GPR176: variants seen among roughly 807,000 people sequenced by gnomAD.
GPR176 encodes the protein G protein-coupled receptor 176, also known as G-protein coupled receptor 176.
A neutral mutation model predicts 35.4 loss-of-function variants in GPR176; 26 were observed. The ratio of observed to expected loss-of-function variants is 0.74; its 90% confidence interval spans 0.54 to 1.02. The LOEUF is 1.02. GPR176 is among the 50% of genes least tolerant of loss of function. The probability of loss-of-function intolerance (pLI) is 0.00; values close to 1 mark genes in which losing one functional copy is unlikely to be tolerated. For synonymous variants in GPR176, 278 were observed against 271.3 expected (o/e 1.02, Z -0.24); for missense variants, 597 against 665.3 (o/e 0.90, Z 1.13).
chr15:39,901,919 C>CAA lies in GPR176; in HGVS notation c.172+17934_172+17935dup, dbSNP rs373269532. Among the ~76,000 whole-genome samples the CAA allele has an allele frequency of 3.1e-3, 426 of 138,206 alleles. 1 individual carries two copies. Among genetic ancestry groups the CAA allele is most frequent in the East Asian group, 7.2e-3 (34 of 4,708 alleles). 90.7% of individuals were successfully genotyped at this position (138,206 alleles called of 152,430 possible). A position where few individuals can be genotyped will look rare whatever the true frequency, so the allele number is the denominator to read the frequency against. On this transcript the variant is annotated intron_variant, in intron 1 of 2. Transcript: ENST00000561100. ...TGAAAGCCTGTTTCTACCAAAAATA[C>CAA]AAAAAAAAAAAAAAATTAGCCAGAC...
Position 39,919,889 on chromosome 15 carries a change from G to A in GPR176, c.138C>T (p.Thr46=). ...AGCCTATGAAGATGACGACCTGCAC[G>A]GTGGTGGTGAACTGGCGGTACAGCT... ...EAQLYRQFTT[T]VQVVIFIGSL... The change falls in exon 1 of 3, where the codon ACC becomes ACT. Residue 46 remains threonine (T), a synonymous_variant. Transcript: ENST00000561100. The A allele has an allele frequency of 6.6e-7, 1 of 1,510,676 alleles. No individual in the cohort carries two copies. Among genetic ancestry groups the A allele is most frequent in the South Asian group, 1.3e-5 (1 of 77,272 alleles). 93.6% of individuals were successfully genotyped at this position (1,510,676 alleles called of 1,614,324 possible).
chr15:39,871,476 T>C (rs918825061), intron 1 of GPR176, among the ~76,000 whole-genome samples: 4 of 152,224 alleles, frequency 2.6e-5, no homozygotes, highest in Non-Finnish European at 4.4e-5. Context: ...GTATGTTTCA[T>C]TGCAAAGTAT....
At chr15:39,911,063 A>T (rs1036660332) in intron 1 of GPR176, among the ~76,000 whole-genome samples, 1 of 151,820 alleles carries the variant, frequency 6.6e-6, no homozygotes, top group Non-Finnish European at 1.5e-5. Context: ...AAAATAAAAT[A>T]AAATAAAATA....
chr15:39,852,141 A>C (rs904444184), intron 1 of GPR176, among the ~76,000 whole-genome samples: 2 of 152,182 alleles, frequency 1.3e-5, no homozygotes, highest in African/African-American at 4.8e-5. Context: ...AAGAATGATG[A>C]ATTTTCTCAA....
intron 1 of GPR176, among the ~76,000 whole-genome samples, chr15:39,898,974 C>G (rs922844323): frequency 6.6e-6 from 1 of 152,068 alleles, no homozygotes; most frequent in African/African-American, 2.4e-5. Flanking sequence ...AACTTGAGAG[C>G]ACTACCCACT....
At chr15:39,821,710 A>G (rs1288091668) in intron 1 of GPR176, among the ~76,000 whole-genome samples, 1 of 151,996 alleles carries the variant, frequency 6.6e-6, no homozygotes, top group Non-Finnish European at 1.5e-5. Flanking sequence ...GATGGAAGGA[A>G]CCTGGAAAAG....
intron 1 of GPR176, among the ~76,000 whole-genome samples, chr15:39,907,747 AG>A (rs750196194): frequency 2.3e-4 from 35 of 152,214 alleles, no homozygotes; most frequent in Non-Finnish European, 4.4e-4. Context: ...TAACACAGCT[AG>A]ATTTTTTTTC....
At chr15:39,812,379 G>A (rs1259798842) in intron 1 of GPR176, among the ~76,000 whole-genome samples, 1 of 152,172 alleles carries the variant, frequency 6.6e-6, no homozygotes, top group Non-Finnish European at 1.5e-5. Context: ...ACTGGCTAAG[G>A]CTAAGTCTTC....
chr15:39,865,481 T>TA lies in GPR176; in HGVS notation c.172+54373dup, dbSNP rs1181010884. 3.9e-5 allele frequency among the ~76,000 whole-genome samples: 6 copies of TA among 152,264 alleles called. No individual in the cohort carries two copies. The East Asian group carries it at 1.2e-3, about 29-fold the overall frequency. ...GACAAATACCATATGTTCTTCCTTATAAGTGCGAGTTTAATAATGTGTACA... is the reference window on the plus strand; with the variant it reads ...GACAAATACCATATGTTCTTCCTTATAAAGTGCGAGTTTAATAATGTGTACA... On this transcript the variant is annotated intron_variant, in intron 1 of 2. Transcript: ENST00000561100.
chr15:39,901,968 C>T (rs928949805), intron 1 of GPR176, among the ~76,000 whole-genome samples: 1 of 151,822 alleles, frequency 6.6e-6, no homozygotes, highest in Non-Finnish European at 1.5e-5. Flanking sequence ...TCTGTAATCC[C>T]AGCTACTTGG....
At chr15:39,863,900 C>A (rs928824249) in intron 1 of GPR176, among the ~76,000 whole-genome samples, 1 of 152,106 alleles carries the variant, frequency 6.6e-6, no homozygotes, top group African/African-American at 2.4e-5. Context: ...CAAAATGTAT[C>A]CCCATGGTTA....
intron 1 of GPR176, chr15:39,862,371 GC>G (rs1298344353): frequency 6.6e-6 from 1 of 152,124 alleles, no homozygotes; most frequent in Non-Finnish European, 1.5e-5. Flanking sequence ...GGAAAAGCAG[GC>G]TTTTTGATGC....
At position 39,799,635 on chromosome 15, in the gene GPR176, C is replaced by T. The variant is rs1898735817; in HGVS notation, c.*1497G>A. 1 of 152,226 alleles carries T rather than the reference C, an allele frequency of 6.6e-6. No individual in the cohort carries two copies. Among genetic ancestry groups the T allele is most frequent in the Non-Finnish European group, 1.5e-5 (1 of 68,064 alleles). The allele number at this position is 152,226 out of a possible 1,614,324, so 9.4% of individuals were successfully genotyped here. On this transcript the variant is annotated 3_prime_UTR_variant, in exon 3 of 3. Coordinates refer to ENST00000561100, the MANE Select transcript of GPR176 (RefSeq NM_007223.3). ...ATGTGGAAGTTTGCTGGTGAGGACA[C>T]CCACTTCCCTTCAAGCTTGCTCAAG...
rs916786177 is a variant in GPR176 at position 39,800,266 on chromosome 15, T to C, written c.*866A>G. The C allele has an allele frequency of 2.0e-5, 3 of 152,028 alleles. No homozygotes were observed. Among genetic ancestry groups the C allele is most frequent in the Non-Finnish European group, 2.9e-5 (2 of 68,004 alleles). The allele number at this position is 152,028 out of a possible 1,614,324, so 9.4% of individuals were successfully genotyped here. A position where few individuals can be genotyped will look rare whatever the true frequency, so the allele number is the denominator to read the frequency against. The stretch of plus-strand genomic sequence containing the variant: ...ACATAGCACCTTTCATGTGAGATCA[T>C]AGGGAAGAAAAAAAAACTACAGCGC... On this transcript the variant is annotated 3_prime_UTR_variant, in exon 3 of 3. Coordinates refer to ENST00000561100, the MANE Select transcript of GPR176 (RefSeq NM_007223.3).
rs758185655 is a variant in GPR176, at chr15:39,801,942, C to T, written c.738G>A (p.Arg246=). ...QKKKVIIAAL[R]TPQNTISIPY... ...GAATAGAGATGGTGTTCTGTGGGGTCCGGAGCGCTGCTATGATGACCTTCT... is the reference window on the plus strand; with the variant it reads ...GAATAGAGATGGTGTTCTGTGGGGTTCGGAGCGCTGCTATGATGACCTTCT... The change falls in exon 3 of 3, where the codon CGG becomes CGA. Residue 246 remains arginine (R), a synonymous_variant. Coordinates refer to ENST00000561100, the MANE Select transcript of GPR176 (RefSeq NM_007223.3). The T allele has an allele frequency of 2.0e-5, 32 of 1,613,904 alleles. No homozygotes were observed. The highest frequency in any genetic ancestry group is 1.5e-5 in the Non-Finnish European group (18 of 1,180,004).
chr15:39,845,821 T>C (rs2140799463), intron 1 of GPR176, among the ~76,000 whole-genome samples: 1 of 152,296 alleles, frequency 6.6e-6, no homozygotes, highest in African/African-American at 2.4e-5. Flanking sequence ...GCAGGAACTT[T>C]GTGCCTACAT....
At chr15:39,848,620 A>G (rs2030617415) in intron 1 of GPR176, among the ~76,000 whole-genome samples, 1 of 152,208 alleles carries the variant, frequency 6.6e-6, no homozygotes, top group African/African-American at 2.4e-5. Flanking sequence ...TGTGTTCTCC[A>G]ACCACAATGG....
At chr15:39,879,410 G>A (rs751413961) in intron 1 of GPR176, among the ~76,000 whole-genome samples, 4 of 152,190 alleles carry the variant, frequency 2.6e-5, no homozygotes, top group Non-Finnish European at 5.9e-5. Flanking sequence ...TTAGATGCCT[G>A]TGGGAAACCT....
In GPR176 at chr15:39,862,899, C is replaced by T. The variant is rs889969028; in HGVS notation, c.173-55641G>A. On this transcript the variant is annotated intron_variant, in intron 1 of 2. Transcript: ENST00000561100. Reference sequence around the variant, plus strand: ...ACAGGCAGGTTCTATAGGAAGTATTCCAGAAGAAGGCACCATTATCTTGGA... The same window carrying T: ...ACAGGCAGGTTCTATAGGAAGTATTTCAGAAGAAGGCACCATTATCTTGGA... 5.9e-5 allele frequency among the ~76,000 whole-genome samples: 9 copies of T among 151,748 alleles called. 1 individual carries two copies. The South Asian group carries it at 1.7e-3, about 28-fold the overall frequency.
Sources: gnomAD v4.1 joint callset for allele counts (sites outside exome capture counted in the v4.1 genomes callset) on GRCh38, gnomAD v4.1.1 for gene constraint, MANE v1.5 for transcripts, NCBI Gene and HGNC (gene_info 2026-07-23, HGNC 2026-07-21) for gene names.